The following ANO6 variants were observed in gnomAD, a reference collection of about 807,000 sequenced individuals.
ANO6 encodes the protein anoctamin-6.
Under a neutral mutation model 117.5 loss-of-function variants are expected in ANO6, and 106 were observed. That is an observed-to-expected ratio of 0.90 (90% CI 0.77 to 1.06). The LOEUF (loss-of-function observed/expected upper bound fraction) is 1.06. ANO6 is among the 50% of genes least tolerant of loss of function. ANO6 has a pLI of 0.00. For synonymous variants in ANO6, 367 were observed against 385.1 expected, an observed-to-expected ratio of 0.95 and a Z score of 0.55; for missense variants, 955 against 1,121.1, an observed-to-expected ratio of 0.85 and a Z score of 2.12.
chr12:45,424,334 T>TG (rs1486399327), intron 19 of ANO6, among the ~76,000 whole-genome samples: 10 of 121,840 alleles, frequency 8.2e-5, no homozygotes, highest in East Asian at 3.0e-4. Flanking sequence ...TGGGTTTTTT[T>TG]TTTTTTTTTT....
At chr12:45,437,668 C>T (rs1943723251) in intron 19 of ANO6, among the ~76,000 whole-genome samples, 1 of 152,080 alleles carries the variant, frequency 6.6e-6, no homozygotes, top group Non-Finnish European at 1.5e-5. Context: ...CTCCCAGGTT[C>T]TAGCAATTCT....
intron 1 of ANO6, among the ~76,000 whole-genome samples, chr12:45,269,020 T>C (rs559840535): frequency 1.2e-3 from 187 of 152,298 alleles, no homozygotes; most frequent in African/African-American, 4.3e-3. Context: ...TGGCCGCTCA[T>C]TGGATTTGCA....
chr12:45,223,803 C>T (rs536432256), intron 1 of ANO6, among the ~76,000 whole-genome samples: 2 of 152,248 alleles, frequency 1.3e-5, no homozygotes, highest in East Asian at 3.9e-4. Context: ...AATGTAAGCT[C>T]CCTGAAGACT....
At chr12:45,367,025 A>C (rs941604462) in intron 8 of ANO6, among the ~76,000 whole-genome samples, 1 of 152,188 alleles carries the variant, frequency 6.6e-6, no homozygotes, top group African/African-American at 2.4e-5. Context: ...TCTGTCACCC[A>C]GGCTGGAGTG....
Position 45,429,304 on chromosome 12 carries a change from C to A in ANO6, c.2726C>A (p.Ser909Ter). The change falls in exon 20 of 20, where the codon TCA becomes TAA. Residue 909 changes from serine to a stop codon, truncating the protein, a stop_gained. Transcript: ENST00000320560. LOFTEE classifies it high-confidence loss of function. The stretch of plus-strand genomic sequence containing the variant: ...GTAGATAACAATTTACGGCCAAAAT[C>A]AGAATAAGAGCTTTATGTTCTGAGA... ...EAVDNNLRPK[S>*]E The A allele has an allele frequency of 1.2e-6, 2 of 1,613,196 alleles. No individual in the cohort carries two copies. Among genetic ancestry groups the A allele is most frequent in the South Asian group, 2.2e-5 (2 of 91,002 alleles).
intron 1 of ANO6, among the ~76,000 whole-genome samples, chr12:45,265,710 C>T (rs144637744): frequency 0.015 from 2,339 of 152,300 alleles, 242 homozygotes; most frequent in Admixed American, 0.14. Context: ...ATGTGCTTTT[C>T]TCCTTCAGAA....
intron 16 of ANO6, among the ~76,000 whole-genome samples, chr12:45,415,701 G>A (rs7308585): frequency 0.028 from 4,297 of 152,224 alleles, 202 homozygotes; most frequent in African/African-American, 0.097. Context: ...CTGCTCTTCT[G>A]CAACATGCCC....
chr12:45,331,273 T>G (rs1231965139), intron 2 of ANO6, 22 bp from the exon 3 acceptor site: 1 of 1,591,462 alleles, frequency 6.3e-7, no homozygotes, highest in African/African-American at 1.4e-5. Context: ...TATATTACAA[T>G]TTGTTTTTCT....
chr12:45,288,692 T>C (rs563093843), intron 1 of ANO6, among the ~76,000 whole-genome samples: 9 of 152,324 alleles, frequency 5.9e-5, no homozygotes, highest in South Asian at 4.1e-4. Context: ...AAATATTTGT[T>C]AGAGCTCCTA....
At chr12:45,397,060 C>A (rs904843820) in intron 12 of ANO6, among the ~76,000 whole-genome samples, 2 of 152,116 alleles carry the variant, frequency 1.3e-5, no homozygotes, top group Admixed American at 6.5e-5. Context: ...AATAGGCAAC[C>A]TACAGAATGG....
chr12:45,225,407 T>C (rs988773922), intron 1 of ANO6, among the ~76,000 whole-genome samples: 4 of 152,220 alleles, frequency 2.6e-5, no homozygotes, highest in South Asian at 2.1e-4. Context: ...AGATTTCTTA[T>C]TCATCTTTGT....
chr12:45,353,429 CAG>C (rs1213863983), intron 7 of ANO6, among the ~76,000 whole-genome samples: 1 of 152,172 alleles, frequency 6.6e-6, no homozygotes, highest in African/African-American at 2.4e-5. Flanking sequence ...CATCTGATAA[CAG>C]AGTGATGGGT....
At chr12:45,427,936 CA>C (rs35996135) in intron 19 of ANO6, among the ~76,000 whole-genome samples, 335 of 62,960 alleles carry the variant, frequency 5.3e-3, no homozygotes, top group African/African-American at 0.011. Context: ...GACTCTGCCT[CA>C]AAAAAAAAAA....
chr12:45,406,192 T>C (rs1942930462), intron 15 of ANO6, among the ~76,000 whole-genome samples: 1 of 152,244 alleles, frequency 6.6e-6, no homozygotes. Context: ...GTACCTGGCA[T>C]ATGACAGGGA....
At chr12:45,218,760 T>G (rs1467134360) in intron 1 of ANO6, among the ~76,000 whole-genome samples, 1 of 152,134 alleles carries the variant, frequency 6.6e-6, no homozygotes, top group Non-Finnish European at 1.5e-5. Context: ...ACTGGTGAAA[T>G]GAAGATAATT....
intron 2 of ANO6, among the ~76,000 whole-genome samples, chr12:45,308,182 T>C (rs1227551850): frequency 7.4e-5 from 11 of 147,958 alleles, no homozygotes; most frequent in African/African-American, 2.7e-4. Flanking sequence ...AGCAGTTCAG[T>C]AGGGAGAGAA....
intron 1 of ANO6, among the ~76,000 whole-genome samples, chr12:45,227,955 G>T (rs748077148): frequency 2.0e-5 from 3 of 152,004 alleles, no homozygotes; most frequent in Non-Finnish European, 4.4e-5. Context: ...ACAATATTCT[G>T]TTGATGCCAA....
chr12:45,345,054 G>A (rs74083332), intron 3 of ANO6, among the ~76,000 whole-genome samples: 3,005 of 152,158 alleles, frequency 0.02, 92 homozygotes, highest in African/African-American at 0.068. Context: ...TTGTGTTTAG[G>A]GAAGTTATAC....
chr12:45,288,046 G>A (rs1006142897), intron 1 of ANO6, among the ~76,000 whole-genome samples: 41 of 152,222 alleles, frequency 2.7e-4, no homozygotes, highest in African/African-American at 6.7e-4. Context: ...CCCTCCACCC[G>A]TCAGATGGTC....
Sources: allele counts gnomAD v4.1 joint callset (sites outside exome capture counted in the v4.1 genomes callset), GRCh38; gene constraint gnomAD v4.1.1; transcripts MANE v1.5; gene names NCBI Gene and HGNC (gene_info 2026-07-23, HGNC 2026-07-21).